TSPOAP1: variants seen among roughly 807,000 people sequenced by gnomAD.
The protein encoded by TSPOAP1 is peripheral-type benzodiazepine receptor-associated protein 1.
A neutral mutation model predicts 197.0 loss-of-function variants in TSPOAP1; 87 were observed. The ratio of observed to expected loss-of-function variants is 0.44; its 90% confidence interval spans 0.37 to 0.53. The LOEUF (loss-of-function observed/expected upper bound fraction) is 0.53. Among genes scored for constraint, TSPOAP1 ranks in the 20% least tolerant of loss-of-function variants. TSPOAP1 has a pLI of 0.00. For missense variants in TSPOAP1, 2,174 were observed against 2,411.3 expected (o/e 0.90, Z 2.06); for synonymous variants, 913 against 998.9 (o/e 0.91, Z 1.62).
intron 24 of TSPOAP1, 194 bp downstream of exon 24, chr17:58,307,417 G>C: frequency 1.5e-6 from 1 of 682,288 alleles, no homozygotes; most frequent in Non-Finnish European, 2.4e-6. Flanking sequence ...AGAAAACTGA[G>C]GCCCAGGGGG....
intron 23 of TSPOAP1, 30 bp from the exon 24 acceptor site, chr17:58,307,792 C>T (rs1226945618): frequency 2.5e-6 from 4 of 1,613,706 alleles, no homozygotes; most frequent in East Asian, 2.2e-5. Flanking sequence ...GGCGGTGACG[C>T]AGCGAGCTCT....
chr17:58,309,417 G>A lies in TSPOAP1; in HGVS notation c.3892-37C>T, dbSNP rs1971012825. 1.3e-6 allele frequency: 2 copies of A among 1,570,294 alleles called. No individual in the cohort carries two copies. The highest frequency in any genetic ancestry group is 1.7e-5 in the Admixed American group (1 of 57,468). ...GGGGAGGTGGGAGTAGAACACAGCA[G>A]GGAAGAGAGATGCGTGGGGAAGAGG... On this transcript the variant is annotated intron_variant, in intron 21 of 31. Coordinates refer to ENST00000343736, the MANE Select transcript of TSPOAP1 (RefSeq NM_004758.4). This position sits in a 1 kb window ranked among gnomAD's most constrained non-coding sequence, Gnocchi z 5.0.
chr17:58,319,465 G>A (rs116826083), intron 12 of TSPOAP1, among the ~76,000 whole-genome samples, 171 bp from the exon 13 acceptor site: 3,242 of 152,256 alleles, frequency 0.021, 117 homozygotes, highest in African/African-American at 0.074. Context: ...GCATCAGAGC[G>A]GAGGGTGAAG....
In TSPOAP1 at chr17:58,304,576, C is replaced by T. The variant is rs1970817841; in HGVS notation, c.5545-177G>A. On this transcript the variant is annotated intron_variant, in intron 30 of 31. Coordinates refer to ENST00000343736, the MANE Select transcript of TSPOAP1 (RefSeq NM_004758.4). This position sits in a 1 kb window ranked among gnomAD's most constrained non-coding sequence, Gnocchi z 4.2. ...GGCCTCTTCACCCTCTCTCCCTGCCCTCTGAGAGTGGAGGCTTAGTTGTAT... is the reference window on the plus strand; with the variant it reads ...GGCCTCTTCACCCTCTCTCCCTGCCTTCTGAGAGTGGAGGCTTAGTTGTAT... The T allele has an allele frequency of 1.6e-6, 1 of 622,260 alleles. No individual in the cohort carries two copies. 38.5% of individuals were successfully genotyped at this position (622,260 alleles called of 1,614,324 possible).
chr17:58,317,384 C>T (rs777303747), intron 14 of TSPOAP1, among the ~76,000 whole-genome samples: 4 of 152,122 alleles, frequency 2.6e-5, no homozygotes, highest in Non-Finnish European at 4.4e-5. Context: ...TCTACTTGCC[C>T]GGCCCACAGC....
At position 58,326,161 on chromosome 17, in the gene TSPOAP1, C is replaced by T. The variant is rs1431058220; in HGVS notation, c.570+132G>A. The T allele has an allele frequency of 2.1e-6, 3 of 1,424,550 alleles. No homozygotes were observed. Among genetic ancestry groups the T allele is most frequent in the Non-Finnish European group, 2.8e-6 (3 of 1,062,932 alleles). 88.2% of individuals were successfully genotyped at this position (1,424,550 alleles called of 1,614,324 possible). ...AGCCTCTGCCCTTCCTGCACCTTAG[C>T]CCCTAGATTCTTGCTTTCCTAGGTG... On this transcript the variant is annotated intron_variant, in intron 3 of 31. Coordinates refer to ENST00000343736, the MANE Select transcript of TSPOAP1 (RefSeq NM_004758.4). This position sits in a 1 kb window ranked among gnomAD's most constrained non-coding sequence, Gnocchi z 4.7.
At chr17:58,323,681 G>A (rs1233649577) in intron 5 of TSPOAP1, 136 bp from the exon 6 acceptor site, 2 of 849,148 alleles carry the variant, frequency 2.4e-6, no homozygotes, top group Admixed American at 5.5e-5. Context: ...CAAGAGCAAA[G>A]AGGGGTACTG....
Position 58,309,617 on chromosome 17 carries a change from C to T in TSPOAP1, c.3892-237G>A, listed in dbSNP as rs971603814. ...TTAGGGAACACACTCTAGGAACCAT[C>T]ACCAGCCCCTGTGGGACAGGAGCAT... On this transcript the variant is annotated intron_variant, in intron 21 of 31. Coordinates refer to ENST00000343736, the MANE Select transcript of TSPOAP1 (RefSeq NM_004758.4). This position sits in a 1 kb window ranked among gnomAD's most constrained non-coding sequence, Gnocchi z 5.0. Among the ~76,000 whole-genome samples, 10 of 152,148 alleles carry T rather than the reference C, an allele frequency of 6.6e-5. No individual in the cohort carries two copies. The highest frequency in any genetic ancestry group is 2.4e-4 in the African/African-American group (10 of 41,432).
Position 58,310,562 on chromosome 17 carries a change from C to G in TSPOAP1, c.3649G>C (p.Glu1217Gln). 6.2e-7 allele frequency: 1 copy of G among 1,613,486 alleles called. No individual in the cohort carries two copies. Among genetic ancestry groups the G allele is most frequent in the Non-Finnish European group, 8.5e-7 (1 of 1,180,044 alleles). The change falls in exon 20 of 32, where the codon GAG becomes CAG. Residue 1217 changes from glutamate (E) to glutamine (Q), a missense_variant. By Grantham distance (29) the Glu-to-Gln change is conservative (BLOSUM62 2). Transcript: ENST00000343736. ...CCTGGGTCTCCTCCTTGGCACATCT[C>G]GGTATTTGGCGCCTGCTGGGCCCGT... ...GARAQQAPNTEMCQGGDPGSG... is the reference protein window; with the variant it reads ...GARAQQAPNTQMCQGGDPGSG...
At chr17:58,315,853 C>A (rs576010598) in intron 16 of TSPOAP1, among the ~76,000 whole-genome samples, 170 bp downstream of exon 16, 16 of 151,676 alleles carry the variant, frequency 1.1e-4, no homozygotes, top group Admixed American at 1.0e-3. Flanking sequence ...TTAGCTGAGA[C>A]CAAAAAGTTA....
chr17:58,315,844 T>C (rs1397638923), intron 16 of TSPOAP1, among the ~76,000 whole-genome samples, 179 bp downstream of exon 16: 1 of 152,066 alleles, frequency 6.6e-6, no homozygotes, highest in East Asian at 1.9e-4. Context: ...GTATGCCTTT[T>C]AGCTGAGACC....
At position 58,323,519 on chromosome 17, in the gene TSPOAP1, G is replaced by A; in HGVS notation, c.969C>T (p.Asn323=). Residue 323 remains asparagine, a synonymous_variant, in exon 6 of 32, where the codon AAC becomes AAT. Transcript: ENST00000343736. ...CTGGCTCCCCTAGAATCACGGGTAG[G>A]TTGTCCGCATCCTCCTGGGGCGTGG... ...GEATPQEDAD[N]LPVILGEPEK... 6.2e-7 allele frequency: 1 copy of A among 1,614,156 alleles called. No homozygotes were observed. Among genetic ancestry groups the A allele is most frequent in the Non-Finnish European group, 8.5e-7 (1 of 1,179,988 alleles).
chr17:58,311,102 C>A lies in TSPOAP1; in HGVS notation c.3193G>T (p.Glu1065Ter). Residue 1065 changes from glutamate (E) to a stop codon, truncating the protein, a stop_gained, in exon 19 of 32, where the codon GAG (glutamate) becomes TAG (stop). Coordinates refer to ENST00000343736, the MANE Select transcript of TSPOAP1 (RefSeq NM_004758.4). LOFTEE classifies it high-confidence loss of function. ...VVVRTMSPHG[E>*]SADSIPAPIT... ...GGAGCCGGGATGGAGTCCGCCGACTCCCCGTGGGGCGACATGGTGCGCACG... is the reference window on the plus strand; with the variant it reads ...GGAGCCGGGATGGAGTCCGCCGACTACCCGTGGGGCGACATGGTGCGCACG... The A allele has an allele frequency of 6.3e-7, 1 of 1,593,020 alleles. No individual in the cohort carries two copies.
At chr17:58,306,235 A>G in intron 26 of TSPOAP1, 107 bp downstream of exon 26, 2 of 1,172,748 alleles carry the variant, frequency 1.7e-6, no homozygotes, top group Middle Eastern at 2.3e-4. Context: ...GCCACCCACC[A>G]GCACACACAT....
chr17:58,309,900 T>G lies in TSPOAP1; in HGVS notation c.3891+67A>C. 6.5e-7 allele frequency: 1 copy of G among 1,542,446 alleles called. No individual in the cohort carries two copies. On this transcript the variant is annotated intron_variant, in intron 21 of 31. Transcript: ENST00000343736. This position sits in a 1 kb window ranked among gnomAD's most constrained non-coding sequence, Gnocchi z 5.0. ...ACTCAGTGGTGGTCAGAGCACCTGC[T>G]GACACACAGTGGGGAGGCCCCGGAG...
Position 58,309,251 on chromosome 17 carries a change from C to T in TSPOAP1, c.4021G>A (p.Glu1341Lys). 1 of 1,613,920 alleles carries T rather than the reference C, an allele frequency of 6.2e-7. No individual in the cohort carries two copies. Among genetic ancestry groups the T allele is most frequent in the Non-Finnish European group, 8.5e-7 (1 of 1,179,930 alleles). Residue 1341 changes from glutamate to lysine, a missense_variant, in exon 22 of 32, where the codon GAG becomes AAG. Coordinates refer to ENST00000343736, the MANE Select transcript of TSPOAP1 (RefSeq NM_004758.4). This position sits in a 1 kb window ranked among gnomAD's most constrained non-coding sequence, Gnocchi z 5.0. ...CCTGACTTCTCCTCCTCCTCGTCCT[C>T]CTCTTCCTCTTCCTCCTCCTCCGGG... is the stretch of plus-strand genomic sequence containing the variant. ...SIPEEEEEEE[E>K]DEEEEKSGAG... is the part of the protein sequence containing the mutation.
chr17:58,325,083 G>T, intron 4 of TSPOAP1, 81 bp from the exon 5 acceptor site: 1 of 1,296,528 alleles, frequency 7.7e-7, no homozygotes, highest in Non-Finnish European at 1.0e-6. Flanking sequence ...AGAGCCCTTC[G>T]CCTTGCTGGA....
chr17:58,308,527 G>C lies in TSPOAP1; in HGVS notation c.4731+14C>G, dbSNP rs1970977868. ...GCAGGCAGGGGCTGCCCAGGGCGGG[G>C]AGTGAGCACGGACCCGGGAGAGTGG... On this transcript the variant is annotated intron_variant, in intron 22 of 31. Coordinates refer to ENST00000343736, the MANE Select transcript of TSPOAP1 (RefSeq NM_004758.4). 1.3e-6 allele frequency: 2 copies of C among 1,509,312 alleles called. No homozygotes were observed. Among genetic ancestry groups the C allele is most frequent in the Admixed American group, 2.2e-5 (1 of 45,444 alleles). 93.5% of individuals were successfully genotyped at this position (1,509,312 alleles called of 1,614,324 possible).
rs1054241031 is a variant in TSPOAP1, at chr17:58,309,656, T to G, written c.3892-276A>C. ...GGACAGGAGCATTGAGGAGCAGGCC[T>G]CCCCATCCCCTCCCCAGAAGCTACC... On this transcript the variant is annotated intron_variant, in intron 21 of 31. Coordinates refer to ENST00000343736, the MANE Select transcript of TSPOAP1 (RefSeq NM_004758.4). The surrounding 1 kb of genome is among the most constrained non-coding windows in gnomAD (Gnocchi z 5.0). 6.6e-6 allele frequency among the ~76,000 whole-genome samples: 1 copy of G among 152,082 alleles called. No individual in the cohort carries two copies. The highest frequency in any genetic ancestry group is 1.5e-5 in the Non-Finnish European group (1 of 68,000).
Sources: gnomAD v4.1 joint callset for allele counts (sites outside exome capture counted in the v4.1 genomes callset) on GRCh38, gnomAD v4.1.1 for gene constraint, Gnocchi (gnomAD v3.1) non-coding constraint, MANE v1.5 for transcripts, NCBI Gene and HGNC (gene_info 2026-07-23, HGNC 2026-07-21) for gene names.